Variants in ATP8A2 observed in about 807,000 individuals in gnomAD.
ATP8A2 encodes the protein phospholipid-transporting ATPase IB.
Under a neutral mutation model 165.6 loss-of-function variants are expected in ATP8A2, and 100 were observed. That is an observed-to-expected ratio of 0.60 (90% CI 0.51 to 0.71). The LOEUF (loss-of-function observed/expected upper bound fraction) is 0.71, where lower values mean the gene tolerates loss of function less well. Among genes scored for constraint, ATP8A2 ranks in the 30% least tolerant of loss-of-function variants. The pLI, the probability that ATP8A2 is intolerant of heterozygous loss-of-function variation, is 0.00. For synonymous variants in ATP8A2, 543 were observed against 548.8 expected (o/e 0.99, Z 0.15); for missense variants, 1,227 against 1,479.5 (o/e 0.83, Z 2.80).
chr13:25,892,506 T>TCTCTCTCTCTCTCTCTCTCTCTC (rs1953401219), intron 33 of ATP8A2, among the ~76,000 whole-genome samples: 1 of 113,278 alleles, frequency 8.8e-6, no homozygotes, highest in African/African-American at 5.5e-5. Context: ...CTCTCTCTCC[T>TCTCTCTCTCTCTCTCTCTCTCTC]TCCACCTGTG....
chr13:25,818,111 T>C (rs1566169970), intron 27 of ATP8A2, among the ~76,000 whole-genome samples: 1 of 152,352 alleles, frequency 6.6e-6, no homozygotes, highest in African/African-American at 2.4e-5. Context: ...CTCAACCATA[T>C]TAGCAAAAGA....
intron 33 of ATP8A2, among the ~76,000 whole-genome samples, chr13:25,934,932 G>A (rs747408685): frequency 3.9e-5 from 6 of 152,316 alleles, no homozygotes; most frequent in Non-Finnish European, 7.3e-5. Context: ...GAATGAAGGG[G>A]CAAGACCAGG....
chr13:25,652,058 T>C (rs1017092096), intron 24 of ATP8A2, among the ~76,000 whole-genome samples: 1 of 152,220 alleles, frequency 6.6e-6, no homozygotes, highest in Non-Finnish European at 1.5e-5. Flanking sequence ...AAATCTATGG[T>C]TGAAAATTCC....
intron 25 of ATP8A2, among the ~76,000 whole-genome samples, chr13:25,714,576 C>T (rs1041207757): frequency 1.3e-5 from 2 of 152,170 alleles, no homozygotes; most frequent in Non-Finnish European, 2.9e-5. Context: ...CTTCCATCCT[C>T]AGCACTGGAA....
At chr13:25,462,721 T>C (rs4769424) in intron 1 of ATP8A2, among the ~76,000 whole-genome samples, 30,534 of 152,042 alleles carry the variant, frequency 0.2, 3,298 homozygotes, top group Non-Finnish European at 0.23. Flanking sequence ...AACCACATGA[T>C]TGGCCTTTCT....
In ATP8A2 at chr13:25,825,138, G is replaced by A. The variant is rs868190098; in HGVS notation, c.2680-2980G>A. 4.1e-5 allele frequency among the ~76,000 whole-genome samples: 4 copies of A among 97,048 alleles called. 1 individual carries two copies. Among genetic ancestry groups the A allele is most frequent in the Middle Eastern group, 7.4e-3 (1 of 136 alleles). The allele number at this position is 97,048 out of a possible 152,430, so 63.7% of individuals were successfully genotyped here. On this transcript the variant is annotated intron_variant, in intron 27 of 36. Coordinates refer to ENST00000381655, the MANE Select transcript of ATP8A2 (RefSeq NM_016529.6). ...AGCTACTCATAGTTTCATTGTGTAT[G>A]TGTTTGCTTTTTTTTTTTTTTTTTT...
At chr13:25,541,591 C>G (rs2038479556) in intron 8 of ATP8A2, among the ~76,000 whole-genome samples, 1 of 152,100 alleles carries the variant, frequency 6.6e-6, no homozygotes, top group African/African-American at 2.4e-5. Context: ...ATCTTTATGA[C>G]CAGTGTTAGA....
In ATP8A2 at chr13:25,769,364, G is replaced by A. The variant is rs376371509; in HGVS notation, c.2568+135G>A. ...GAGGTTGCTGTCTAGATGAAACCCC[G>A]GGGATATTTGGAATTCTCTGTAGTT... On this transcript the variant is annotated intron_variant, in intron 26 of 36. Coordinates refer to ENST00000381655, the MANE Select transcript of ATP8A2 (RefSeq NM_016529.6). The A allele has an allele frequency of 8.5e-5, 68 of 801,842 alleles. No homozygotes were observed. In the East Asian group the frequency reaches 1.3e-3, roughly 15 times the overall value. 49.7% of individuals were successfully genotyped at this position (801,842 alleles called of 1,614,324 possible).
rs564892800 is a variant in ATP8A2, at chr13:25,670,089, C to T, written c.2212-29084C>T. ...ACTCAAATCCAGCTGCCTTTTTCTT[C>T]ATTCGGCATATTCCTTACTATCATA... On this transcript the variant is annotated intron_variant, in intron 24 of 36. Transcript: ENST00000381655. Among the ~76,000 whole-genome samples the T allele has an allele frequency of 5.3e-5, 8 of 152,256 alleles. No individual in the cohort carries two copies. The South Asian group carries it at 1.2e-3, about 24-fold the overall frequency.
At chr13:25,818,127 A>G (rs1272610511) in intron 27 of ATP8A2, among the ~76,000 whole-genome samples, 1 of 152,226 alleles carries the variant, frequency 6.6e-6, no homozygotes, top group African/African-American at 2.4e-5. Flanking sequence ...AAAGATTGCA[A>G]TATTTTCACT....
intron 1 of ATP8A2, among the ~76,000 whole-genome samples, chr13:25,445,619 C>T (rs751917595): frequency 2.6e-5 from 4 of 152,186 alleles, no homozygotes; most frequent in Non-Finnish European, 5.9e-5. Flanking sequence ...TCTTACTATG[C>T]TTCTTAAATA....
chr13:25,478,125 T>G (rs2036045915), intron 2 of ATP8A2, among the ~76,000 whole-genome samples: 2 of 152,040 alleles, frequency 1.3e-5, no homozygotes, highest in African/African-American at 2.4e-5. Flanking sequence ...GATCAGTATC[T>G]TCATATGTTT....
chr13:25,968,515 C>A, intron 34 of ATP8A2, 60 bp from the exon 35 acceptor site: 1 of 1,486,204 alleles, frequency 6.7e-7, no homozygotes. Flanking sequence ...AGCGGCCTGT[C>A]TTTCCCAGCT....
At chr13:25,769,004 G>A in intron 25 of ATP8A2, 42 bp from the exon 26 acceptor site, 1 of 1,585,434 alleles carries the variant, frequency 6.3e-7, no homozygotes, top group Non-Finnish European at 8.7e-7. Context: ...GTTTCCTCTG[G>A]AAAGACATGC....
intron 25 of ATP8A2, among the ~76,000 whole-genome samples, chr13:25,709,050 A>C (rs1317172186): frequency 6.6e-6 from 1 of 152,172 alleles, no homozygotes; most frequent in African/African-American, 2.4e-5. Flanking sequence ...GCTCTGTGAG[A>C]GTCCCAGGGC....
At chr13:25,977,771 T>G (rs1956089118) in intron 35 of ATP8A2, among the ~76,000 whole-genome samples, 1 of 152,210 alleles carries the variant, frequency 6.6e-6, no homozygotes, top group South Asian at 2.1e-4. Flanking sequence ...ATCAGAAATC[T>G]AATCAGGAGC....
chr13:25,984,013 A>G (rs1956222741), intron 35 of ATP8A2, among the ~76,000 whole-genome samples: 1 of 151,842 alleles, frequency 6.6e-6, no homozygotes, highest in Admixed American at 6.6e-5. Flanking sequence ...CAGGAGAAAG[A>G]CTTGAGGCCA....
intron 35 of ATP8A2, among the ~76,000 whole-genome samples, chr13:25,978,130 A>T (rs1258375089): frequency 7.2e-6 from 1 of 139,510 alleles, no homozygotes; most frequent in African/African-American, 2.7e-5. Context: ...GAAATATTTT[A>T]ATCTTTTTGG....
chr13:25,870,560 T>C (rs1358260345), intron 33 of ATP8A2, among the ~76,000 whole-genome samples: 1 of 152,224 alleles, frequency 6.6e-6, no homozygotes, highest in Non-Finnish European at 1.5e-5. Flanking sequence ...ACATGTGTAA[T>C]GAAGTAAGCA....
Sources: gnomAD v4.1 joint callset for allele counts (sites outside exome capture counted in the v4.1 genomes callset) on GRCh38, gnomAD v4.1.1 for gene constraint, MANE v1.5 for transcripts, NCBI Gene and HGNC (gene_info 2026-07-23, HGNC 2026-07-21) for gene names.